The following CLCN7 variants were observed in gnomAD, a reference collection of about 807,000 sequenced individuals.
CLCN7 encodes Cl-/H+ antiporter 7, also known as H(+)/Cl(-) exchange transporter 7.
CLCN7 carries 60 observed loss-of-function variants against 102.1 expected under a neutral mutation model. The observed-to-expected ratio is 0.59, with a 90% CI of 0.48 to 0.73. CLCN7 has a LOEUF of 0.73. Among genes scored for constraint, CLCN7 ranks in the 30% least tolerant of loss-of-function variants. CLCN7 has a pLI of 0.00. For synonymous variants in CLCN7, 560 were observed against 490.5 expected (o/e 1.14, Z -1.87); for missense variants, 962 against 1,125.7 (o/e 0.85, Z 2.08).
At chr16:1,473,329 A>C (rs1332996392) in intron 1 of CLCN7, among the ~76,000 whole-genome samples, 2 of 143,850 alleles carry the variant, frequency 1.4e-5, no homozygotes, top group African/African-American at 5.2e-5. Context: ...ACCTAAATGT[A>C]GGTTCTATGG....
At chr16:1,459,023 G>T in intron 7 of CLCN7, 84 bp downstream of exon 7, 2 of 1,212,304 alleles carry the variant, frequency 1.6e-6, no homozygotes, top group Non-Finnish European at 2.3e-6. Flanking sequence ...GCCAGTTCTG[G>T]AAGGCAGGCA....
intron 1 of CLCN7, among the ~76,000 whole-genome samples, chr16:1,473,673 G>A (rs2039110247): frequency 6.6e-6 from 1 of 151,740 alleles, no homozygotes; most frequent in African/African-American, 2.4e-5. Context: ...GTGCCCTGCC[G>A]TCCTTCCTAA....
intron 1 of CLCN7, among the ~76,000 whole-genome samples, chr16:1,473,884 A>C (rs974148814): frequency 4.6e-5 from 7 of 151,890 alleles, no homozygotes; most frequent in African/African-American, 1.7e-4. Flanking sequence ...CGGGAGTTCG[A>C]GGCCAGCCTG....
chr16:1,446,680 T>C lies in CLCN7; in HGVS notation c.2369A>G (p.Tyr790Cys). 2 of 1,590,046 alleles carry C rather than the reference T, an allele frequency of 1.3e-6. No individual in the cohort carries two copies. Among genetic ancestry groups the C allele is most frequent in the Non-Finnish European group, 1.7e-6 (2 of 1,168,142 alleles). Reference sequence around the variant, plus strand: ...CTCCAAGCCTCTCTTTCCCAGGCGGTACCTGGCGAGGTCCTTCCTGGTCAC... The same window carrying C: ...CTCCAAGCCTCTCTTTCCCAGGCGGCACCTGGCGAGGTCCTTCCTGGTCAC... ...GLVTRKDLAR[Y>C]RLGKRGLEEL... Residue 790 changes from tyrosine to cysteine, a missense_variant, in exon 25 of 25, where the codon TAC becomes TGC. Tyr to Cys is a radical substitution (Grantham distance 194, BLOSUM62 -2). Around this residue, in one of 2 missense-constraint regions of CLCN7, gnomAD observed 799 missense variants for 988.0 expected, o/e 0.81. Coordinates refer to ENST00000382745, the MANE Select transcript of CLCN7 (RefSeq NM_001287.6).
intron 22 of CLCN7, 27 bp downstream of exon 22, chr16:1,447,628 C>T: frequency 6.4e-7 from 1 of 1,552,286 alleles, no homozygotes; most frequent in Non-Finnish European, 8.7e-7. Flanking sequence ...CCCCCACCCG[C>T]CCAATGGCCC....
chr16:1,452,678 G>A (rs537983879), intron 15 of CLCN7, 77 bp downstream of exon 15: 158 of 1,488,808 alleles, frequency 1.1e-4, no homozygotes, highest in African/African-American at 1.0e-3. Flanking sequence ...CCCTCCTCCC[G>A]TAGCCTAAGC....
rs369717257 is a variant in CLCN7, at chr16:1,458,773, G to A, written c.675+334C>T. On this transcript the variant is annotated intron_variant, in intron 7 of 24. Coordinates refer to ENST00000382745, the MANE Select transcript of CLCN7 (RefSeq NM_001287.6). ...AACTGAAAGCGGGAAACTGCTACAC[G>A]CCCACTACCACGACAGCTTCCACGG... 6.6e-5 allele frequency among the ~76,000 whole-genome samples: 10 copies of A among 152,292 alleles called. No homozygotes were observed. The East Asian group carries it at 7.7e-4, about 12-fold the overall frequency.
At chr16:1,450,315 G>A (rs576088602) in intron 17 of CLCN7, 182 bp downstream of exon 17, 20 of 574,396 alleles carry the variant, frequency 3.5e-5, no homozygotes, top group South Asian at 1.7e-4. Context: ...CACAGTACAC[G>A]CTGCCACCAC....
chr16:1,458,064 C>A (rs200232321), intron 7 of CLCN7, among the ~76,000 whole-genome samples: 1 of 147,430 alleles, frequency 6.8e-6, no homozygotes, highest in East Asian at 2.0e-4. Flanking sequence ...TACAGGCACA[C>A]CTGCCTCCGC....
Position 1,456,145 on chromosome 16 carries a change from G to T in CLCN7, c.884C>A (p.Ala295Asp), listed in dbSNP as rs1427304156. 2 of 1,563,838 alleles carry T rather than the reference G, an allele frequency of 1.3e-6. No homozygotes were observed. Among genetic ancestry groups the T allele is most frequent in the Non-Finnish European group, 1.7e-6 (2 of 1,153,858 alleles). ...KRDFVSAGAA[A>D]GVSAAFGAPV... ...GGCTCCAAACGCCGCTGACACTCCG[G>T]CCGCAGCCCCTGCGGAGACGAAGTC... The change falls in exon 10 of 25, where the codon GCC becomes GAC. Residue 295 changes from alanine (A) to aspartate (D), a missense_variant. Coordinates refer to ENST00000382745, the MANE Select transcript of CLCN7 (RefSeq NM_001287.6).
intron 11 of CLCN7, 78 bp from the exon 12 acceptor site, chr16:1,455,328 GC>G: frequency 1.1e-6 from 1 of 951,894 alleles, no homozygotes; most frequent in Non-Finnish European, 1.7e-6. Context: ...AGGGACCATC[GC>G]CCCTCCTGTC....
intron 1 of CLCN7, among the ~76,000 whole-genome samples, chr16:1,465,815 C>G (rs550793501): frequency 3.3e-5 from 5 of 152,300 alleles, no homozygotes; most frequent in Non-Finnish European, 5.9e-5. Context: ...CTGCCCTCCC[C>G]ACAGGACGCC....
At chr16:1,451,123 T>C (rs958435496) in intron 16 of CLCN7, among the ~76,000 whole-genome samples, 1 of 152,210 alleles carries the variant, frequency 6.6e-6, no homozygotes, top group East Asian at 1.9e-4. Context: ...AGGCCGGCAC[T>C]CCAAGGTCGC....
chr16:1,456,835 T>C (rs953033534), intron 9 of CLCN7, among the ~76,000 whole-genome samples: 1 of 139,878 alleles, frequency 7.1e-6, no homozygotes, highest in African/African-American at 2.7e-5. Context: ...AGAGACTCCA[T>C]CTCAAAAAAA....
chr16:1,464,827 C>A lies in CLCN7; in HGVS notation c.213+440G>T, dbSNP rs535103621. On this transcript the variant is annotated intron_variant, in intron 2 of 24. Transcript: ENST00000382745. ...AAAAACCGAGGCCGGCGGGAGATGC[C>A]CCCGAGGGGAAGGAAGACGAGCACG... 3.3e-5 allele frequency among the ~76,000 whole-genome samples: 5 copies of A among 152,332 alleles called. No individual in the cohort carries two copies. In the South Asian group the frequency reaches 1.0e-3, roughly 32 times the overall value.
intron 14 of CLCN7, 24 bp downstream of exon 14, chr16:1,453,810 A>G: frequency 6.2e-7 from 1 of 1,612,232 alleles, no homozygotes; most frequent in Non-Finnish European, 8.5e-7. Flanking sequence ...TGCCAACGCG[A>G]TATGCAATGC....
intron 1 of CLCN7, among the ~76,000 whole-genome samples, chr16:1,468,342 T>A (rs1349470196): frequency 2.0e-5 from 3 of 152,104 alleles, no homozygotes; most frequent in African/African-American, 4.8e-5. Flanking sequence ...CAGCAGGGCA[T>A]CAGCTGCCCC....
At position 1,448,410 on chromosome 16, in the gene CLCN7, T is replaced by G. The variant is rs2142367269; in HGVS notation, c.1958A>C (p.Asp653Ala). Residue 653 changes from aspartate (D) to alanine (A), a missense_variant, in exon 21 of 25, where the codon GAC becomes GCC. Asp to Ala is a moderately radical substitution (Grantham distance 126, BLOSUM62 -2). Coordinates refer to ENST00000382745, the MANE Select transcript of CLCN7 (RefSeq NM_001287.6). ...KVGVIVDVLS[D>A]TASNHNGFPV... ...GAAGCCGTTGTGATTGGACGCCGTGTCGCTCAGCACGTCCACAATGACGCC... is the reference window on the plus strand; with the variant it reads ...GAAGCCGTTGTGATTGGACGCCGTGGCGCTCAGCACGTCCACAATGACGCC... 6 of 1,612,698 alleles carry G rather than the reference T, an allele frequency of 3.7e-6. No individual in the cohort carries two copies. Among genetic ancestry groups the G allele is most frequent in the African/African-American group, 1.3e-5 (1 of 75,054 alleles).
At chr16:1,455,633 G>C in intron 11 of CLCN7, 98 bp downstream of exon 11, 1 of 1,308,574 alleles carries the variant, frequency 7.6e-7, no homozygotes, top group South Asian at 1.2e-5. Flanking sequence ...TCCAGCTCCA[G>C]CCGCAGCTCG....
Sources: allele counts gnomAD v4.1 joint callset (sites outside exome capture counted in the v4.1 genomes callset), GRCh38; gene constraint gnomAD v4.1.1; regional missense constraint gnomAD v4.1.1; transcripts MANE v1.5; gene names NCBI Gene and HGNC (gene_info 2026-07-23, HGNC 2026-07-21).